Variants in ROBO2 observed in about 807,000 individuals in gnomAD.
ROBO2 encodes the protein roundabout homolog 2.
In ROBO2, 53 loss-of-function variants were observed where a neutral mutation model predicts 160.8. The ratio of observed to expected loss-of-function variants is 0.33; its 90% CI spans 0.26 to 0.41. The LOEUF (loss-of-function observed/expected upper bound fraction) is 0.41, where lower values mean the gene tolerates loss of function less well. ROBO2 is among the 10% of genes least tolerant of loss of function. The pLI is 1.00. For missense variants in ROBO2, 1,577 were observed against 1,722.4 expected (o/e 0.92, Z 1.49); for synonymous variants, 664 against 611.7 (o/e 1.09, Z -1.26).
intron 2 of ROBO2, among the ~76,000 whole-genome samples, chr3:76,242,511 G>C (rs1016277357): frequency 6.6e-6 from 1 of 152,250 alleles, no homozygotes; most frequent in African/African-American, 2.4e-5. Flanking sequence ...TTTAGCTTCT[G>C]TTTCTCTGCT....
intron 2 of ROBO2, among the ~76,000 whole-genome samples, chr3:76,717,613 A>G (rs1431786882): frequency 2.0e-5 from 3 of 152,186 alleles, no homozygotes; most frequent in Non-Finnish European, 4.4e-5. Context: ...TGCTTCAGGT[A>G]GGCGATCAAA....
intron 2 of ROBO2, among the ~76,000 whole-genome samples, chr3:76,483,290 G>A (rs972752105): frequency 1.3e-5 from 2 of 148,450 alleles, no homozygotes; most frequent in African/African-American, 5.0e-5. Context: ...TTTTCTGTAT[G>A]TAACATGTTA....
intron 2 of ROBO2, among the ~76,000 whole-genome samples, chr3:76,719,449 C>T (rs1350424836): frequency 1.3e-5 from 2 of 152,180 alleles, no homozygotes; most frequent in Non-Finnish European, 2.9e-5. Flanking sequence ...GGTCCTCCTG[C>T]CTCATCCTCC....
At chr3:76,654,913 G>GTGTATATATATATA (rs536883164) in intron 2 of ROBO2, among the ~76,000 whole-genome samples, 65 of 74,146 alleles carry the variant, frequency 8.8e-4, no homozygotes, top group African/African-American at 2.0e-3. Context: ...ATATGTGTGT[G>GTGTATATATATATA]TATATATATA....
chr3:76,031,141 A>C lies in ROBO2; in HGVS notation c.109+93539A>C, dbSNP rs191819606. ...TCTCTTCATAGCAGTTGTGAATGGGAGTTCCCTCATGATTTGGCTCTCTGT... is the reference window on the plus strand; with the variant it reads ...TCTCTTCATAGCAGTTGTGAATGGGCGTTCCCTCATGATTTGGCTCTCTGT... On this transcript the variant is annotated intron_variant, in intron 2 of 26. Transcript: ENST00000487694. 1.1e-3 allele frequency among the ~76,000 whole-genome samples: 165 copies of C among 152,220 alleles called. 1 individual carries two copies. Among genetic ancestry groups the C allele is most frequent in the East Asian group, 8.1e-3 (42 of 5,174 alleles).
chr3:77,223,485 C>T (rs558583314), intron 2 of ROBO2, among the ~76,000 whole-genome samples: 8 of 152,210 alleles, frequency 5.3e-5, no homozygotes, highest in African/African-American at 1.4e-4. Context: ...GACCCACATT[C>T]CCCAAGATTG....
intron 10 of ROBO2, 118 bp downstream of exon 11, chr3:77,562,850 A>T: frequency 1.3e-6 from 1 of 792,148 alleles, no homozygotes; most frequent in Non-Finnish European, 2.2e-6. Flanking sequence ...TTTAGCCTTT[A>T]CATTCAATGC....
chr3:77,360,692 T>G (rs2069836231), intron 2 of ROBO2, among the ~76,000 whole-genome samples: 1 of 152,112 alleles, frequency 6.6e-6, no homozygotes, highest in Non-Finnish European at 1.5e-5. Flanking sequence ...AAACATATTT[T>G]AAGAAGCCAA....
intron 2 of ROBO2, among the ~76,000 whole-genome samples, chr3:77,363,906 G>A (rs73112302): frequency 0.12 from 18,611 of 152,110 alleles, 1,345 homozygotes; most frequent in Middle Eastern, 0.18. Flanking sequence ...AAGACAGGGG[G>A]CTGGGAGAAG....
At chr3:76,475,627 G>A (rs1029629723) in intron 2 of ROBO2, among the ~76,000 whole-genome samples, 13 of 151,726 alleles carry the variant, frequency 8.6e-5, no homozygotes, top group Admixed American at 8.6e-4. Context: ...CTTATACCTG[G>A]ACCCACTAGT....
Position 77,019,935 on chromosome 3 carries a change from G to A in ROBO2, c.110-78079G>A, listed in dbSNP as rs369972967. 1.7e-3 allele frequency among the ~76,000 whole-genome samples: 265 copies of A among 152,258 alleles called. 2 individuals carry two copies. Among genetic ancestry groups the A allele is most frequent in the African/African-American group, 5.9e-3 (245 of 41,544 alleles). On this transcript the variant is annotated intron_variant, in intron 2 of 26. Transcript: ENST00000487694. ...GTCTCATTTCTTCCTGGTCGACTTG[G>A]TTATGGGGCTTAATAATTGTGGGAA...
At chr3:77,254,927 T>A (rs1302708288) in intron 2 of ROBO2, among the ~76,000 whole-genome samples, 1 of 152,344 alleles carries the variant, frequency 6.6e-6, no homozygotes. Context: ...CAACTTCAAT[T>A]GCCAGTTTTG....
intron 6 of ROBO2, among the ~76,000 whole-genome samples, chr3:77,530,930 T>G (rs369129134): frequency 1.3e-5 from 2 of 152,132 alleles, no homozygotes; most frequent in East Asian, 3.9e-4. Flanking sequence ...TCTGTCTTAT[T>G]TTTCTATTGG....
At chr3:76,166,749 A>G (rs1470010508) in intron 2 of ROBO2, among the ~76,000 whole-genome samples, 1 of 151,910 alleles carries the variant, frequency 6.6e-6, no homozygotes, top group East Asian at 1.9e-4. Context: ...TTCATTTTTG[A>G]CTCTTGTTTT....
intron 2 of ROBO2, among the ~76,000 whole-genome samples, chr3:76,815,232 A>T (rs761336786): frequency 5.3e-5 from 8 of 152,062 alleles, no homozygotes; most frequent in Non-Finnish European, 8.8e-5. Context: ...TTAACAGTCA[A>T]CAAAGAATAA....
At chr3:76,027,973 G>T (rs2066798268) in intron 2 of ROBO2, among the ~76,000 whole-genome samples, 2 of 151,826 alleles carry the variant, frequency 1.3e-5, no homozygotes, top group South Asian at 4.1e-4. Flanking sequence ...CAAAGCCAAG[G>T]AGCCAATAGG....
At chr3:76,768,045 T>C (rs1291560261) in intron 2 of ROBO2, among the ~76,000 whole-genome samples, 1 of 151,514 alleles carries the variant, frequency 6.6e-6, no homozygotes, top group African/African-American at 2.4e-5. Context: ...ACTGATACAA[T>C]AGGCATTGAT....
chr3:76,118,443 A>T (rs528574610), intron 2 of ROBO2, among the ~76,000 whole-genome samples: 1 of 152,314 alleles, frequency 6.6e-6, no homozygotes, highest in African/African-American at 2.4e-5. Context: ...AGTATGGAAA[A>T]GTCATAAGGT....
intron 5 of ROBO2, among the ~76,000 whole-genome samples, chr3:77,507,415 A>G (rs1326008465): frequency 6.6e-6 from 1 of 152,150 alleles, no homozygotes; most frequent in Non-Finnish European, 1.5e-5. Context: ...ACATTCGGAA[A>G]TACATTTTAC....
Sources: allele counts gnomAD v4.1 joint callset (sites outside exome capture counted in the v4.1 genomes callset), GRCh38; gene constraint gnomAD v4.1.1; transcripts MANE v1.5; gene names NCBI Gene and HGNC (gene_info 2026-07-23, HGNC 2026-07-21).